The following PCDHGB3 variants were observed in gnomAD, a reference collection of about 807,000 sequenced individuals.
The protein encoded by PCDHGB3 is protocadherin gamma-B3.
PCDHGB3 carries 40 observed loss-of-function variants against 59.2 expected under a neutral mutation model. That is an observed-to-expected ratio of 0.68 (90% confidence interval 0.52 to 0.88). The LOEUF (loss-of-function observed/expected upper bound fraction) is 0.88. Ranked by LOEUF, PCDHGB3 falls within the 40% of genes least tolerant of loss-of-function variation. The probability of loss-of-function intolerance (pLI) is 0.00; values close to 1 mark genes in which losing one functional copy is unlikely to be tolerated. For missense variants in PCDHGB3, 1,309 were observed against 1,187.9 expected (o/e 1.10, Z -1.50); for synonymous variants, 581 against 503.6 (o/e 1.15, Z -2.06).
Position 141,403,717 on chromosome 5 carries a change from G to A in PCDHGB3, c.2415+30908G>A, listed in dbSNP as rs1561689674. On this transcript the variant is annotated intron_variant, in intron 1 of 3. Transcript: ENST00000576222. Reference sequence around the variant, plus strand: ...ACCGAGTTAAAGTCCTTGAGAACGTGCCCCCAGGCACCTGGCTGCTTACTG... The same window carrying A: ...ACCGAGTTAAAGTCCTTGAGAACGTACCCCCAGGCACCTGGCTGCTTACTG... 3 of 1,613,936 alleles carry A rather than the reference G, an allele frequency of 1.9e-6. No homozygotes were observed. In the South Asian group the frequency reaches 3.3e-5, roughly 18 times the overall value.
intron 1 of PCDHGB3, among the ~76,000 whole-genome samples, chr5:141,437,919 G>A (rs2097917914): frequency 1.3e-5 from 2 of 152,078 alleles, no homozygotes; most frequent in Admixed American, 1.3e-4. Context: ...TGTATTTTTA[G>A]TAGAGATGGG....
rs752155536 is a variant in PCDHGB3, at chr5:141,477,181, C to T, written c.2416-17626C>T. The T allele has an allele frequency of 2.5e-6, 4 of 1,614,182 alleles. No individual in the cohort carries two copies. In the Admixed American group the frequency reaches 6.7e-5, roughly 27 times the overall value. ...ACAACGCCCCGGAGATCACAGTCACCTCCGTGTACAGCCCAGTACCCGAGG... is the reference window on the plus strand; with the variant it reads ...ACAACGCCCCGGAGATCACAGTCACTTCCGTGTACAGCCCAGTACCCGAGG... On this transcript the variant is annotated intron_variant, in intron 1 of 3. Transcript: ENST00000576222. This position sits in a 1 kb window ranked among gnomAD's most constrained non-coding sequence, Gnocchi z 4.9.
At chr5:141,509,040 C>G (rs1217864661) in intron 3 of PCDHGB3, among the ~76,000 whole-genome samples, 1 of 152,132 alleles carries the variant, frequency 6.6e-6, no homozygotes, top group Non-Finnish European at 1.5e-5. Context: ...CAACCCCTCT[C>G]CCCCGCCCCC....
intron 2 of PCDHGB3, among the ~76,000 whole-genome samples, chr5:141,498,604 C>G (rs1445417630): frequency 6.6e-6 from 1 of 152,122 alleles, no homozygotes; most frequent in East Asian, 1.9e-4. Flanking sequence ...GGTTCAAGTT[C>G]AAGTCAGCAC....
In PCDHGB3 at chr5:141,485,961, A is replaced by C. The variant is rs766687554; in HGVS notation, c.2416-8846A>C. ...GCACCAGCGGGCATGGTGCTCATCC[A>C]GCTCAATGCCTCAGACCCGGACCTG... On this transcript the variant is annotated intron_variant, in intron 1 of 3. Coordinates refer to ENST00000576222, the MANE Select transcript of PCDHGB3 (RefSeq NM_018924.5). The surrounding 1 kb of genome is among the most constrained non-coding windows in gnomAD (Gnocchi z 5.7). 6.2e-7 allele frequency: 1 copy of C among 1,614,204 alleles called. No homozygotes were observed. The highest frequency in any genetic ancestry group is 1.1e-5 in the South Asian group (1 of 91,090).
At chr5:141,418,520 C>T (rs766042374) in intron 1 of PCDHGB3, 3 of 1,613,936 alleles carry the variant, frequency 1.9e-6, no homozygotes, top group Non-Finnish European at 2.5e-6. Flanking sequence ...TGGGGACCCT[C>T]CCCGAAGCGG....
At chr5:141,385,271 TG>T (rs777522853) in intron 1 of PCDHGB3, 313 of 1,614,076 alleles carry the variant, frequency 1.9e-4, no homozygotes, top group Non-Finnish European at 2.4e-4. Flanking sequence ...AATGATTCTT[TG>T]CTAACATCCG....
intron 1 of PCDHGB3, chr5:141,392,285 A>G (rs554377698): frequency 6.6e-6 from 1 of 152,312 alleles, no homozygotes; most frequent in East Asian, 1.9e-4. Flanking sequence ...TTAGAGCACA[A>G]TGGGAAATGA....
intron 1 of PCDHGB3, chr5:141,374,774 A>G: frequency 6.2e-7 from 1 of 1,613,822 alleles, no homozygotes; most frequent in Non-Finnish European, 8.5e-7. Context: ...AATTCTGGTA[A>G]CAGTTCTAGA....
chr5:141,398,197 T>G lies in PCDHGB3; in HGVS notation c.2415+25388T>G, dbSNP rs1317220760. On this transcript the variant is annotated intron_variant, in intron 1 of 3. Transcript: ENST00000576222. Reference sequence around the variant, plus strand: ...AGTGCTCTTTCTCTTCCTGCTGTCTTTGTTCTGCCCGGCGCTCTGTGAGCA... The same window carrying G: ...AGTGCTCTTTCTCTTCCTGCTGTCTGTGTTCTGCCCGGCGCTCTGTGAGCA... 2.7e-6 allele frequency: 4 copies of G among 1,492,294 alleles called. No homozygotes were observed. The African/African-American group carries it at 4.2e-5, about 16-fold the overall frequency. The allele number at this position is 1,492,294 out of a possible 1,614,324, so 92.4% of individuals were successfully genotyped here.
In PCDHGB3 at chr5:141,481,621, C is replaced by T. The variant is rs533294863; in HGVS notation, c.2416-13186C>T. Among the ~76,000 whole-genome samples the T allele has an allele frequency of 3.9e-5, 6 of 152,198 alleles. 1 individual carries two copies. Among genetic ancestry groups the T allele is most frequent in the East Asian group, 3.9e-4 (2 of 5,172 alleles). Reference sequence around the variant, plus strand: ...TCACCTGAGGCCAGGAGTTCAAGACCGGCCTGGCCAACATGGTGAAACTTC... The same window carrying T: ...TCACCTGAGGCCAGGAGTTCAAGACTGGCCTGGCCAACATGGTGAAACTTC... On this transcript the variant is annotated intron_variant, in intron 1 of 3. Transcript: ENST00000576222.
intron 1 of PCDHGB3, among the ~76,000 whole-genome samples, chr5:141,471,869 G>A (rs1234106506): frequency 6.6e-6 from 1 of 152,172 alleles, no homozygotes; most frequent in Non-Finnish European, 1.5e-5. Flanking sequence ...AACTGTGGTT[G>A]CCTGAGGCTG....
chr5:141,472,795 G>A (rs939788734), intron 1 of PCDHGB3, among the ~76,000 whole-genome samples: 1 of 151,794 alleles, frequency 6.6e-6, no homozygotes, highest in Non-Finnish European at 1.5e-5. Flanking sequence ...AGATCAGCCT[G>A]ACCAACATGG....
intron 1 of PCDHGB3, among the ~76,000 whole-genome samples, chr5:141,450,061 C>A (rs1219642208): frequency 7.2e-6 from 1 of 139,334 alleles, no homozygotes; most frequent in Non-Finnish European, 1.5e-5. Context: ...GGCTGGAATG[C>A]AGTGGTATGA....
chr5:141,415,752 T>G lies in PCDHGB3; in HGVS notation c.2415+42943T>G, dbSNP rs981275270. ...GATGTTTATTAAGGTTTTTTTTTTT[T>G]TTTTTTTTTTTTTTTTTTTTACTTT... On this transcript the variant is annotated intron_variant, in intron 1 of 3. Transcript: ENST00000576222. 5.6e-5 allele frequency: 77 copies of G among 1,372,446 alleles called. No individual in the cohort carries two copies. In the East Asian group the frequency reaches 6.8e-4, roughly 12 times the overall value. 85.0% of individuals were successfully genotyped at this position (1,372,446 alleles called of 1,614,324 possible).
chr5:141,388,591 A>G (rs761143693), intron 1 of PCDHGB3: 9 of 1,613,804 alleles, frequency 5.6e-6, no homozygotes, highest in African/African-American at 5.3e-5. Flanking sequence ...ACTGATGCCA[A>G]TGATAATGCT....
chr5:141,416,791 G>A (rs1389798483), intron 1 of PCDHGB3: 2 of 152,166 alleles, frequency 1.3e-5, no homozygotes, highest in South Asian at 2.1e-4. Context: ...TCTACTAAAT[G>A]TGGTAGTATA....
chr5:141,459,574 T>G (rs1163443021), intron 1 of PCDHGB3, among the ~76,000 whole-genome samples: 6 of 152,226 alleles, frequency 3.9e-5, no homozygotes, highest in African/African-American at 1.4e-4. Flanking sequence ...AAAACAGAAT[T>G]GTTTTGGGGG....
At chr5:141,421,979 G>A in intron 1 of PCDHGB3, 1 of 1,609,702 alleles carries the variant, frequency 6.2e-7, no homozygotes, top group Non-Finnish European at 8.5e-7. Context: ...TATCGCGTGA[G>A]TGTTCCAGAA....
Sources: allele counts gnomAD v4.1 joint callset (sites outside exome capture counted in the v4.1 genomes callset), GRCh38; gene constraint gnomAD v4.1.1; non-coding constraint Gnocchi (gnomAD v3.1); transcripts MANE v1.5; gene names NCBI Gene and HGNC (gene_info 2026-07-23, HGNC 2026-07-21).